The following PPP2R2B variants were observed in gnomAD, a reference collection of about 807,000 sequenced individuals.
The protein encoded by PPP2R2B is protein phosphatase 2 regulatory subunit Bbeta.
A neutral mutation model predicts 46.0 loss-of-function variants in PPP2R2B; 5 were observed. The ratio of observed to expected loss-of-function variants is 0.11; its 90% CI spans 0.06 to 0.23. PPP2R2B has a LOEUF of 0.23. Ranked by LOEUF, PPP2R2B falls within the 10% of genes least tolerant of loss-of-function variation. The pLI is 1.00. For missense variants in PPP2R2B, 367 were observed against 575.0 expected (o/e 0.64, Z 3.70); for synonymous variants, 215 against 206.7 (o/e 1.04, Z -0.34).
chr5:146,626,238 CAGAG>C (rs1774058789), intron 7 of PPP2R2B, among the ~76,000 whole-genome samples: 2 of 148,960 alleles, frequency 1.3e-5, no homozygotes, highest in Non-Finnish European at 3.0e-5. Flanking sequence ...GCAGCTAATA[CAGAG>C]AGAAAGAGGT....
At chr5:146,710,416 G>A (rs2151180741) in intron 2 of PPP2R2B, among the ~76,000 whole-genome samples, 1 of 152,280 alleles carries the variant, frequency 6.6e-6, no homozygotes, top group East Asian at 1.9e-4. Context: ...AGGACATGTG[G>A]GTTGATAAAG....
intron 2 of PPP2R2B, among the ~76,000 whole-genome samples, chr5:146,786,955 G>A (rs1191839250): frequency 6.6e-6 from 1 of 152,066 alleles, no homozygotes; most frequent in Non-Finnish European, 1.5e-5. Context: ...AATGCATAAG[G>A]CTTTAGGGTT....
chr5:146,796,143 G>T (rs1409060740), intron 2 of PPP2R2B, among the ~76,000 whole-genome samples: 1 of 152,146 alleles, frequency 6.6e-6, no homozygotes, highest in Non-Finnish European at 1.5e-5. Context: ...AAATGTCATT[G>T]CAATGATATG....
intron 7 of PPP2R2B, among the ~76,000 whole-genome samples, chr5:146,601,249 A>G (rs905593186): frequency 5.5e-4 from 83 of 152,192 alleles, no homozygotes; most frequent in African/African-American, 1.8e-3. Context: ...TTATACATGT[A>G]TAAGTTTTTG....
In PPP2R2B at chr5:146,797,488, A is replaced by G. The variant is rs145924637; in HGVS notation, c.70+80514T>C. On this transcript the variant is annotated intron_variant, in intron 2 of 9. Coordinates refer to ENST00000394411, the MANE Select transcript of PPP2R2B (RefSeq NM_181675.4). The stretch of plus-strand genomic sequence containing the variant: ...TTATTTTTAGCAGGAGGATGATAAC[A>G]CCCATCTTTCTGGCCTCTGGAGGGA... Among the ~76,000 whole-genome samples the G allele has an allele frequency of 3.9e-3, 601 of 152,234 alleles. 9 individuals are homozygous for G. The highest frequency in any genetic ancestry group is 0.014 in the African/African-American group (574 of 41,554).
chr5:146,796,100 AC>A (rs1368510699), intron 2 of PPP2R2B, among the ~76,000 whole-genome samples: 2 of 152,170 alleles, frequency 1.3e-5, no homozygotes, highest in African/African-American at 4.8e-5. Flanking sequence ...GCTGACTCAA[AC>A]AATGGTACAC....
At chr5:146,777,512 T>C (rs1219525805) in intron 2 of PPP2R2B, among the ~76,000 whole-genome samples, 1 of 152,106 alleles carries the variant, frequency 6.6e-6, no homozygotes, top group African/African-American at 2.4e-5. Flanking sequence ...AGTTTCTGTT[T>C]GGGGTAATGA....
At chr5:146,729,545 C>T (rs745644611) in intron 2 of PPP2R2B, among the ~76,000 whole-genome samples, 6 of 152,208 alleles carry the variant, frequency 3.9e-5, no homozygotes, top group East Asian at 1.9e-4. Context: ...CCCCTCCCAT[C>T]ACAGGCCCAG....
chr5:146,729,499 A>C (rs530950284), intron 2 of PPP2R2B, among the ~76,000 whole-genome samples: 1 of 152,334 alleles, frequency 6.6e-6, no homozygotes, highest in Admixed American at 6.5e-5. Context: ...CCATGGGGAA[A>C]ATGTCTCCAG....
At chr5:146,780,593 A>G (rs1182467719) in intron 2 of PPP2R2B, among the ~76,000 whole-genome samples, 6 of 152,296 alleles carry the variant, frequency 3.9e-5, no homozygotes, top group African/African-American at 1.4e-4. Context: ...CCTATGCTAT[A>G]TCCAAATTAG....
Position 146,942,394 on chromosome 5 carries a change from C to T in PPP2R2B, c.79+113271G>A, listed in dbSNP as rs187569893. ...CAAAACAAATGTTCTTTTCTTATACCGTCAGAAATAAGTCAAGTTCAAGGA... is the reference window on the plus strand; with the variant it reads ...CAAAACAAATGTTCTTTTCTTATACTGTCAGAAATAAGTCAAGTTCAAGGA... On this transcript the variant is annotated intron_variant, in intron 1 of 8. Coordinates refer to the PPP2R2B transcript ENST00000336640. 4.1e-3 allele frequency among the ~76,000 whole-genome samples: 625 copies of T among 152,172 alleles called. 2 individuals are homozygous for T. Among genetic ancestry groups the T allele is most frequent in the Non-Finnish European group, 7.3e-3 (494 of 68,004 alleles).
intron 5 of PPP2R2B, among the ~76,000 whole-genome samples, chr5:146,663,847 T>A (rs547729491): frequency 6.6e-6 from 1 of 152,050 alleles, no homozygotes; most frequent in Admixed American, 6.6e-5. Context: ...TTTATTTATT[T>A]ATTATTATTT....
chr5:146,947,419 A>C (rs1764517864), intron 1 of PPP2R2B, among the ~76,000 whole-genome samples: 1 of 152,148 alleles, frequency 6.6e-6, no homozygotes. Flanking sequence ...AATCTGGTCA[A>C]TGAAATTCAT....
intron 1 of PPP2R2B, among the ~76,000 whole-genome samples, chr5:146,973,906 C>T (rs1170037080): frequency 6.6e-6 from 1 of 152,160 alleles, no homozygotes; most frequent in East Asian, 1.9e-4. Context: ...ACAATATTTG[C>T]AAAGCCTATA....
chr5:146,988,685 C>T (rs1307921841), intron 1 of PPP2R2B, among the ~76,000 whole-genome samples: 2 of 151,452 alleles, frequency 1.3e-5, no homozygotes, highest in Non-Finnish European at 3.0e-5. Context: ...AAATAAACAA[C>T]CTAACATTAT....
chr5:146,940,443 A>C (rs1036204), intron 1 of PPP2R2B, among the ~76,000 whole-genome samples: 33,374 of 151,730 alleles, frequency 0.22, 3,937 homozygotes, highest in East Asian at 0.39. Context: ...TAAGAATGCC[A>C]GTCAGGAGTT....
intron 5 of PPP2R2B, among the ~76,000 whole-genome samples, chr5:146,665,565 CAAG>C (rs1201242329): frequency 6.6e-6 from 1 of 152,196 alleles, no homozygotes; most frequent in African/African-American, 2.4e-5. Flanking sequence ...TCTATGTCAG[CAAG>C]AAGGTTATTT....
chr5:147,074,438 G>A (rs1297230755), intron 2 of PPP2R2B, among the ~76,000 whole-genome samples: 1 of 152,138 alleles, frequency 6.6e-6, no homozygotes, highest in African/African-American at 2.4e-5. Flanking sequence ...CTATCATTTA[G>A]GCTAAGATCT....
In PPP2R2B at chr5:147,007,116, C is replaced by G. The variant is rs997728405; in HGVS notation, c.79+48549G>C. Among the ~76,000 whole-genome samples, 5 of 152,196 alleles carry G rather than the reference C, an allele frequency of 3.3e-5. 1 individual carries two copies. The highest frequency in any genetic ancestry group is 1.3e-4 in the Admixed American group (2 of 15,272). ...AACCCCAAGTGAGCTCAACTAACAACTACTGAGGACCCCTGGACTGACCCG... is the reference window on the plus strand; with the variant it reads ...AACCCCAAGTGAGCTCAACTAACAAGTACTGAGGACCCCTGGACTGACCCG... On this transcript the variant is annotated intron_variant, in intron 1 of 8. Coordinates refer to the PPP2R2B transcript ENST00000336640.
Sources: gnomAD v4.1 joint callset for allele counts (sites outside exome capture counted in the v4.1 genomes callset) on GRCh38, gnomAD v4.1.1 for gene constraint, MANE v1.5 for transcripts, NCBI Gene and HGNC (gene_info 2026-07-23, HGNC 2026-07-21) for gene names.